CARS1: variants seen among roughly 807,000 people sequenced by gnomAD.
CARS1 encodes cysteinyl-tRNA synthetase 1.
A neutral mutation model predicts 106.2 loss-of-function variants in CARS1; 48 were observed. The observed-to-expected ratio is 0.45, with a 90% CI of 0.36 to 0.57. The LOEUF (loss-of-function observed/expected upper bound fraction) is 0.57, where lower values mean the gene tolerates loss of function less well. CARS1 is among the 20% of genes least tolerant of loss of function. The pLI is 0.00. For missense variants in CARS1, 968 were observed against 1,057.2 expected (o/e 0.92, Z 1.17); for synonymous variants, 409 against 403.4 (o/e 1.01, Z -0.17).
chr11:3,026,845 AGT>A (rs1489253405), intron 9 of CARS1, 48 bp from the exon 10 acceptor site: 2 of 1,582,322 alleles, frequency 1.3e-6, no homozygotes, highest in Admixed American at 1.7e-5. Flanking sequence ...CAGACCCGAA[AGT>A]GTGTCAGCAG....
chr11:3,015,319 C>A (rs866961899), intron 17 of CARS1, among the ~76,000 whole-genome samples: 1 of 152,260 alleles, frequency 6.6e-6, no homozygotes, highest in African/African-American at 2.4e-5. Flanking sequence ...CCTGTTAGGG[C>A]ATCTGCCCAG....
At position 3,039,231 on chromosome 11, in the gene CARS1, G is replaced by A. The variant is rs200598975; in HGVS notation, c.614C>T (p.Ala205Val). The stretch of plus-strand genomic sequence containing the variant: ...CTGAACATCCTCCAAGAGCTGTGCC[G>A]CTTCAGGCCTCTTCTCCCGATACTG... ...FEQYREKRPEAAQLLEDVQAA... is the reference protein window; with the variant it reads ...FEQYREKRPEVAQLLEDVQAA... The change falls in exon 6 of 23, where the codon GCG becomes GTG. Residue 205 changes from alanine to valine, a missense_variant. Ala to Val is a moderately conservative substitution (Grantham distance 64). Transcript: ENST00000380525. The surrounding 1 kb of genome is among the most constrained non-coding windows in gnomAD (Gnocchi z 5.6). The A allele has an allele frequency of 1.3e-4, 214 of 1,613,540 alleles. 1 individual carries two copies. Among genetic ancestry groups the A allele is most frequent in the African/African-American group, 6.7e-5 (5 of 74,994 alleles).
chr11:3,055,802 G>A (rs1037094152), intron 1 of CARS1, among the ~76,000 whole-genome samples: 1 of 152,234 alleles, frequency 6.6e-6, no homozygotes, highest in African/African-American at 2.4e-5. Flanking sequence ...CACAGACACA[G>A]CACTTAATTG....
chr11:3,051,784 C>T (rs773134996), intron 1 of CARS1, among the ~76,000 whole-genome samples: 1 of 152,208 alleles, frequency 6.6e-6, no homozygotes, highest in African/African-American at 2.4e-5. Flanking sequence ...CTCCACATTC[C>T]TCTCCCCTGT....
chr11:3,007,134 G>A, intron 18 of CARS1, 175 bp from the exon 19 acceptor site: 1 of 610,988 alleles, frequency 1.6e-6, no homozygotes. Context: ...CAGTGCTTGG[G>A]AGGGAGGGCC....
chr11:3,020,284 T>G lies in CARS1; in HGVS notation c.1202A>C (p.Asn401Thr). The G allele has an allele frequency of 6.2e-7, 1 of 1,614,076 alleles. No homozygotes were observed. Among genetic ancestry groups the G allele is most frequent in the Non-Finnish European group, 8.5e-7 (1 of 1,179,962 alleles). The change falls in exon 11 of 23, where the codon AAC (asparagine) becomes ACC (threonine). Residue 401 changes from asparagine (N) to threonine (T), a missense_variant. Transcript: ENST00000380525. The surrounding 1 kb of genome is among the most constrained non-coding windows in gnomAD (Gnocchi z 4.6). ...AGAGGCCTTCCATAAGGCAAAGTCG[T>G]TGGGAGAGCGCTTCTCACTCAGGCG... ...ADRLSEKRSP[N>T]DFALWKASKP...
Position 3,029,618 on chromosome 11 carries a change from C to G in CARS1, c.802-175G>C. Reference sequence around the variant, plus strand: ...GCTTACACAACTGGCTCGGCAGGGACAAATACAAGACTCTACAAATGGGCA... The same window carrying G: ...GCTTACACAACTGGCTCGGCAGGGAGAAATACAAGACTCTACAAATGGGCA... On this transcript the variant is annotated intron_variant, in intron 7 of 22. Coordinates refer to ENST00000380525, the MANE Select transcript of CARS1 (RefSeq NM_001014437.3). This position sits in a 1 kb window ranked among gnomAD's most constrained non-coding sequence, Gnocchi z 5.9. 1.6e-6 allele frequency: 1 copy of G among 631,710 alleles called. No homozygotes were observed. Among genetic ancestry groups the G allele is most frequent in the Non-Finnish European group, 2.7e-6 (1 of 369,404 alleles). The allele number at this position is 631,710 out of a possible 1,614,324, so 39.1% of individuals were successfully genotyped here. A position where few individuals can be genotyped will look rare whatever the true frequency, so the allele number is the denominator to read the frequency against.
rs1004017360 is a variant in CARS1 at position 3,029,535 on chromosome 11, A to C, written c.802-92T>G. On this transcript the variant is annotated intron_variant, in intron 7 of 22. Coordinates refer to ENST00000380525, the MANE Select transcript of CARS1 (RefSeq NM_001014437.3). This position sits in a 1 kb window ranked among gnomAD's most constrained non-coding sequence, Gnocchi z 5.9. ...TGGTGTGAGCCCATCAGTGCCCTGA[A>C]TTCAAAGGTGCTGACCTTGACCTGT... The C allele has an allele frequency of 1.4e-6, 2 of 1,431,150 alleles. No homozygotes were observed. The highest frequency in any genetic ancestry group is 2.8e-5 in the African/African-American group (2 of 71,298). 88.7% of individuals were successfully genotyped at this position (1,431,150 alleles called of 1,614,324 possible). A position where few individuals can be genotyped will look rare whatever the true frequency, so the allele number is the denominator to read the frequency against.
At position 3,021,523 on chromosome 11, in the gene CARS1, A is replaced by C. The variant is rs1054440716; in HGVS notation, c.1154-1191T>G. Among the ~76,000 whole-genome samples the C allele has an allele frequency of 2.6e-5, 4 of 152,236 alleles. No homozygotes were observed. The highest frequency in any genetic ancestry group is 7.2e-5 in the African/African-American group (3 of 41,456). On this transcript the variant is annotated intron_variant, in intron 10 of 22. Coordinates refer to ENST00000380525, the MANE Select transcript of CARS1 (RefSeq NM_001014437.3). This position sits in a 1 kb window ranked among gnomAD's most constrained non-coding sequence, Gnocchi z 5.3. ...GGCAACAGACCTAAGCTGCCCTGAG[A>C]AACAGAGTCCAGAGGAAAAGCACCG...
chr11:3,057,010 T>G lies in CARS1; in HGVS notation c.25+333A>C, dbSNP rs1856277231. Among the ~76,000 whole-genome samples, 8 of 152,050 alleles carry G rather than the reference T, an allele frequency of 5.3e-5. No individual in the cohort carries two copies. In the South Asian group the frequency reaches 1.5e-3, roughly 28 times the overall value. ...TCCCAGGGGTCCCAGTGGCCGTCCC[T>G]CGGAGCCGGGCACCCGTTGTCCTTC... On this transcript the variant is annotated intron_variant, in intron 1 of 22. Coordinates refer to ENST00000380525, the MANE Select transcript of CARS1 (RefSeq NM_001014437.3).
Position 3,043,800 on chromosome 11 carries a change from G to A in CARS1, c.275-1544C>T, listed in dbSNP as rs1854788605. Among the ~76,000 whole-genome samples, 1 of 152,138 alleles carries A rather than the reference G, an allele frequency of 6.6e-6. No individual in the cohort carries two copies. Among genetic ancestry groups the A allele is most frequent in the South Asian group, 2.1e-4 (1 of 4,830 alleles). The stretch of plus-strand genomic sequence containing the variant: ...TAACAGGCCAAGGGGAGGAAGGAGG[G>A]CGGCTGCACTGTGTCTGGGCAGTGG... On this transcript the variant is annotated intron_variant, in intron 2 of 22. Coordinates refer to ENST00000380525, the MANE Select transcript of CARS1 (RefSeq NM_001014437.3). This position sits in a 1 kb window ranked among gnomAD's most constrained non-coding sequence, Gnocchi z 4.0.
chr11:3,018,315 C>T (rs1031416856), intron 14 of CARS1, 93 bp downstream of exon 14: 4 of 800,256 alleles, frequency 5.0e-6, no homozygotes, highest in African/African-American at 3.4e-5. Context: ...TTAGAGACAT[C>T]GGGAGGCTGG....
Position 3,000,998 on chromosome 11 carries a change from T to C in CARS1, c.*116A>G. On this transcript the variant is annotated 3_prime_UTR_variant, in exon 23 of 23. Coordinates refer to ENST00000380525, the MANE Select transcript of CARS1 (RefSeq NM_001014437.3). This position sits in a 1 kb window ranked among gnomAD's most constrained non-coding sequence, Gnocchi z 7.1. ...CGACACGAACCTACATGAACACAAC[T>C]CTTAATTTAGGACCCAAGGGTGACT... The C allele has an allele frequency of 8.3e-7, 1 of 1,202,200 alleles. No individual in the cohort carries two copies. The highest frequency in any genetic ancestry group is 1.2e-6 in the Non-Finnish European group (1 of 844,470). 74.5% of individuals were successfully genotyped at this position (1,202,200 alleles called of 1,614,324 possible). A position where few individuals can be genotyped will look rare whatever the true frequency, so the allele number is the denominator to read the frequency against.
rs780246008 is a variant in CARS1 at position 3,029,334 on chromosome 11, C to G, written c.911G>C (p.Gly304Ala). 23 of 1,614,092 alleles carry G rather than the reference C, an allele frequency of 1.4e-5. No individual in the cohort carries two copies. The highest frequency in any genetic ancestry group is 1.8e-5 in the Non-Finnish European group (21 of 1,179,952). ...IFSKLPKFWEGDFHRDMEALN... is the reference protein window; with the variant it reads ...IFSKLPKFWEADFHRDMEALN... ...AGCTTCCATGTCTCTGTGGAAGTCC[C>G]CCTCCCAGAACTTGGGCAGCTTGGA... The change falls in exon 8 of 23, where the codon GGG becomes GCG. Residue 304 changes from glycine (G) to alanine (A), a missense_variant. Gly to Ala is a moderately conservative substitution (Grantham distance 60, BLOSUM62 0). Coordinates refer to ENST00000380525, the MANE Select transcript of CARS1 (RefSeq NM_001014437.3). This position sits in a 1 kb window ranked among gnomAD's most constrained non-coding sequence, Gnocchi z 5.9.
At chr11:3,054,848 C>T in intron 1 of CARS1, 1 of 701,458 alleles carries the variant, frequency 1.4e-6, no homozygotes, top group African/African-American at 1.7e-5. Context: ...TTGAATTAAA[C>T]TGTATAAAAA....
In CARS1 at chr11:3,050,810, TG is replaced by T. The variant is rs1346608759; in HGVS notation, c.26-2810del. Among the ~76,000 whole-genome samples, 1 of 152,154 alleles carries T rather than the reference TG, an allele frequency of 6.6e-6. No individual in the cohort carries two copies. ...CCCCACCAGGTCTTCAAGGACTCCCTGTCCATATGGCGCCCGCCTCTAGACC... is the reference window on the plus strand; with the variant it reads ...CCCCACCAGGTCTTCAAGGACTCCCTTCCATATGGCGCCCGCCTCTAGACC... On this transcript the variant is annotated intron_variant, in intron 1 of 22. Transcript: ENST00000380525. The surrounding 1 kb of genome is among the most constrained non-coding windows in gnomAD (Gnocchi z 6.3).
chr11:3,056,147 C>T (rs1856181043), intron 1 of CARS1, among the ~76,000 whole-genome samples: 1 of 152,168 alleles, frequency 6.6e-6, no homozygotes, highest in African/African-American at 2.4e-5. Context: ...CCCCATGCCG[C>T]CAGATTACTC....
At chr11:3,033,969 A>G (rs183265323) in intron 7 of CARS1, among the ~76,000 whole-genome samples, 33 of 152,244 alleles carry the variant, frequency 2.2e-4, no homozygotes, top group Admixed American at 2.2e-3. Context: ...TTTTGTAGAG[A>G]TAGAGTCTCA....
Position 3,038,192 on chromosome 11 carries a change from G to A in CARS1, c.659C>T (p.Ser220Leu). The change falls in exon 7 of 23, where the codon TCA (serine) becomes TTA (leucine). Residue 220 changes from serine (S) to leucine (L), a missense_variant. Coordinates refer to ENST00000380525, the MANE Select transcript of CARS1 (RefSeq NM_001014437.3). This position sits in a 1 kb window ranked among gnomAD's most constrained non-coding sequence, Gnocchi z 4.0. ...EDVQAALKPF[S>L]VKLNETTDPD... ...ATCCGTGGTCTCATTTAATTTTACTGAAAATGGCTGCAACCATAAAGAGAC... is the reference window on the plus strand; with the variant it reads ...ATCCGTGGTCTCATTTAATTTTACTAAAAATGGCTGCAACCATAAAGAGAC... 1 of 1,613,762 alleles carries A rather than the reference G, an allele frequency of 6.2e-7. No homozygotes were observed. The highest frequency in any genetic ancestry group is 8.5e-7 in the Non-Finnish European group (1 of 1,179,702).
Sources: allele counts gnomAD v4.1 joint callset (sites outside exome capture counted in the v4.1 genomes callset), GRCh38; gene constraint gnomAD v4.1.1; non-coding constraint Gnocchi (gnomAD v3.1); transcripts MANE v1.5; gene names NCBI Gene and HGNC (gene_info 2026-07-23, HGNC 2026-07-21).